The following SLIT2 variants were observed in gnomAD, a reference collection of about 807,000 sequenced individuals.
SLIT2 encodes slit guidance ligand 2, also known as slit homolog 2 protein.
A neutral mutation model predicts 185.7 loss-of-function variants in SLIT2; 41 were observed. That is an observed-to-expected ratio of 0.22 (90% CI 0.17 to 0.29). The LOEUF (loss-of-function observed/expected upper bound fraction) is 0.29. SLIT2 is among the 10% of genes least tolerant of loss of function. SLIT2 has a pLI of 1.00. For missense variants in SLIT2, 1,571 were observed against 1,909.0 expected (o/e 0.82, Z 3.30); for synonymous variants, 693 against 680.2 (o/e 1.02, Z -0.29).
At chr4:20,303,566 C>T (rs1041754663) in intron 4 of SLIT2, among the ~76,000 whole-genome samples, 1 of 152,026 alleles carries the variant, frequency 6.6e-6, no homozygotes. Flanking sequence ...GTACCAACCT[C>T]TGTGTTAATA....
intron 8 of SLIT2, 49 bp downstream of exon 8, chr4:20,489,031 T>G: frequency 6.8e-7 from 1 of 1,464,572 alleles, no homozygotes; most frequent in East Asian, 2.3e-5. Flanking sequence ...TATCCTGTTA[T>G]GTAACAGAAT....
intron 11 of SLIT2, among the ~76,000 whole-genome samples, chr4:20,516,495 C>G (rs1012179930): frequency 2.6e-5 from 4 of 152,060 alleles, no homozygotes; most frequent in Admixed American, 6.6e-5. Flanking sequence ...TCAGCTGATA[C>G]CACTTTTTTC....
intron 29 of SLIT2, among the ~76,000 whole-genome samples, chr4:20,575,214 C>T (rs1416725045): frequency 6.6e-6 from 1 of 152,168 alleles, no homozygotes; most frequent in African/African-American, 2.4e-5. Context: ...CATGTGTTGA[C>T]TAAATTTCAT....
intron 4 of SLIT2, among the ~76,000 whole-genome samples, chr4:20,309,101 C>G: frequency 6.6e-6 from 1 of 151,738 alleles, no homozygotes; most frequent in East Asian, 1.9e-4. Flanking sequence ...AACCAGTTTC[C>G]TTGGGTTTTA....
chr4:20,512,823 G>A (rs1029814514), intron 11 of SLIT2, among the ~76,000 whole-genome samples: 2 of 152,050 alleles, frequency 1.3e-5, no homozygotes, highest in African/African-American at 4.8e-5. Context: ...ATATCGGCTT[G>A]CTTGCAGAGT....
intron 33 of SLIT2, among the ~76,000 whole-genome samples, chr4:20,600,632 G>A (rs554640665): frequency 6.6e-6 from 1 of 151,888 alleles, no homozygotes; most frequent in Admixed American, 6.6e-5. Flanking sequence ...CACCGTGTTA[G>A]CCAGGATGGA....
rs142381530 is a variant in SLIT2, at chr4:20,431,068, G to A, written c.396-36684G>A. ...GTGTTACGTTGGCAGCCTGAGATCC[G>A]ATCTAAGGAATCTACACTTTCCTCA... On this transcript the variant is annotated intron_variant, in intron 4 of 36. Transcript: ENST00000504154. 3.1e-3 allele frequency among the ~76,000 whole-genome samples: 474 copies of A among 152,270 alleles called. 1 individual carries two copies. The highest frequency in any genetic ancestry group is 0.011 in the African/African-American group (439 of 41,568).
At chr4:20,513,716 G>A (rs1719947727) in intron 11 of SLIT2, among the ~76,000 whole-genome samples, 1 of 151,834 alleles carries the variant, frequency 6.6e-6, no homozygotes, top group Non-Finnish European at 1.5e-5. Context: ...TACAGAACAA[G>A]GGATAAGGAT....
rs184629313 is a variant in SLIT2, at chr4:20,359,771, G to C, written c.395+90890G>C. Among the ~76,000 whole-genome samples, 141 of 152,208 alleles carry C rather than the reference G, an allele frequency of 9.3e-4. 1 individual carries two copies. The highest frequency in any genetic ancestry group is 3.2e-3 in the African/African-American group (131 of 41,558). The stretch of plus-strand genomic sequence containing the variant: ...ATGAATGAGTACAAATGTGGGGGAA[G>C]TAAGGAAAAAGGCAGCTCTGAGGTT... On this transcript the variant is annotated intron_variant, in intron 4 of 36. Transcript: ENST00000504154.
intron 29 of SLIT2, among the ~76,000 whole-genome samples, chr4:20,570,181 G>C (rs184749333): frequency 2.0e-5 from 3 of 151,940 alleles, no homozygotes; most frequent in Admixed American, 2.0e-4. Flanking sequence ...CCAATGTCAT[G>C]TAAAGCAGTA....
intron 4 of SLIT2, among the ~76,000 whole-genome samples, chr4:20,359,494 T>A (rs958231729): frequency 6.6e-6 from 1 of 152,078 alleles, no homozygotes; most frequent in Non-Finnish European, 1.5e-5. Flanking sequence ...TTGAAAAGAT[T>A]GCATTTGTGC....
intron 4 of SLIT2, among the ~76,000 whole-genome samples, chr4:20,305,465 C>T (rs574961040): frequency 1.3e-5 from 2 of 152,228 alleles, no homozygotes; most frequent in East Asian, 3.9e-4. Flanking sequence ...ATGGGAACCC[C>T]CTATTCAAAC....
At chr4:20,257,165 A>G (rs1378584690) in intron 2 of SLIT2, among the ~76,000 whole-genome samples, 1 of 152,168 alleles carries the variant, frequency 6.6e-6, no homozygotes, top group African/African-American at 2.4e-5. Context: ...TCTAATATCA[A>G]GCATTAAAAT....
Position 20,596,567 on chromosome 4 carries a change from A to G in SLIT2, c.3473A>G (p.Lys1158Arg). Residue 1158 changes from lysine (K) to arginine (R), a missense_variant, in exon 32 of 37, where the codon AAA becomes AGA. Around this residue, in one of 3 missense-constraint regions of SLIT2, gnomAD observed 146 missense variants for 247.4 expected, o/e 0.59. Transcript: ENST00000504154. ...LPGYQGEKCE[K>R]LVSVNFINKE... is the part of the protein sequence containing the mutation. ...GGCTATCAGGGAGAAAAGTGTGAAA[A>G]ATTGGTTAGTGTGAATTTTATAAAC... is the stretch of plus-strand genomic sequence containing the variant. The G allele has an allele frequency of 6.2e-7, 1 of 1,613,994 alleles. No individual in the cohort carries two copies. Among genetic ancestry groups the G allele is most frequent in the South Asian group, 1.1e-5 (1 of 91,072 alleles).
chr4:20,353,949 A>C (rs889690938), intron 4 of SLIT2, among the ~76,000 whole-genome samples: 3 of 152,326 alleles, frequency 2.0e-5, no homozygotes, highest in African/African-American at 7.2e-5. Context: ...TGGGATCTGC[A>C]TAATAAAGTA....
chr4:20,435,509 G>A (rs16869595), intron 4 of SLIT2, among the ~76,000 whole-genome samples: 11,560 of 152,212 alleles, frequency 0.076, 590 homozygotes, highest in South Asian at 0.17. Flanking sequence ...GGATAGTGCT[G>A]TAAGATTTTA....
rs554833713 is a variant in SLIT2, at chr4:20,466,105, TTCC to T, written c.396-1641_396-1639del. ...TTCAAATTTTCTTGAATGCAAAGTT[TTCC>T]TCCTCATTTCTTATTACTTTCTTAT... On this transcript the variant is annotated intron_variant, in intron 4 of 36. Transcript: ENST00000504154. Among the ~76,000 whole-genome samples, 1,056 of 152,316 alleles carry T rather than the reference TTCC, an allele frequency of 6.9e-3. 2 individuals are homozygous for T. Among genetic ancestry groups the T allele is most frequent in the Non-Finnish European group, 0.011 (769 of 68,030 alleles).
At chr4:20,322,890 ACCAG>A (rs1404754995) in intron 4 of SLIT2, among the ~76,000 whole-genome samples, 1 of 152,120 alleles carries the variant, frequency 6.6e-6, no homozygotes, top group Non-Finnish European at 1.5e-5. Flanking sequence ...CCTTCTAACC[ACCAG>A]CTCTTAGGGA....
chr4:20,603,431 T>G (rs1446147237), intron 33 of SLIT2, among the ~76,000 whole-genome samples: 40 of 152,186 alleles, frequency 2.6e-4, no homozygotes, highest in Non-Finnish European at 4.4e-5. Context: ...AAGCAGTAGG[T>G]CCTCAGACAG....
Sources: allele counts gnomAD v4.1 joint callset (sites outside exome capture counted in the v4.1 genomes callset), GRCh38; gene constraint gnomAD v4.1.1; regional missense constraint gnomAD v4.1.1; transcripts MANE v1.5; gene names NCBI Gene and HGNC (gene_info 2026-07-23, HGNC 2026-07-21).